The following PPARGC1A variants were observed in gnomAD, a reference collection of about 807,000 sequenced individuals.
The protein encoded by PPARGC1A is peroxisome proliferator-activated receptor gamma coactivator 1-alpha.
In PPARGC1A, 25 loss-of-function variants were observed where a neutral mutation model predicts 88.7. That is an observed-to-expected ratio of 0.28 (90% CI 0.21 to 0.39). The LOEUF is 0.39. PPARGC1A is among the 10% of genes least tolerant of loss of function. The pLI is 1.00. For synonymous variants in PPARGC1A, 363 were observed against 355.6 expected, an observed-to-expected ratio of 1.02 and a Z score of -0.24; for missense variants, 880 against 968.7, an observed-to-expected ratio of 0.91 and a Z score of 1.22.
chr4:23,823,711 G>A (rs57986075), intron 7 of PPARGC1A, among the ~76,000 whole-genome samples: 2,374 of 151,898 alleles, frequency 0.016, 74 homozygotes, highest in African/African-American at 0.055. Flanking sequence ...ACATATGTGT[G>A]AGTCTGCACA....
chr4:23,842,063 A>C (rs1048094144), intron 2 of PPARGC1A, among the ~76,000 whole-genome samples: 2 of 152,160 alleles, frequency 1.3e-5, no homozygotes, highest in Non-Finnish European at 2.9e-5. Flanking sequence ...GGAAGATATT[A>C]TTAGAAAAAT....
At chr4:24,425,698 C>G in the PPARGC1A span, among the ~76,000 whole-genome samples, 1 of 152,178 alleles carries the variant, frequency 6.6e-6, no homozygotes, top group African/African-American at 2.4e-5. Flanking sequence ...ACAGTAAAAG[C>G]TGTCAGAATG....
At chr4:24,248,086 T>C in the PPARGC1A span, among the ~76,000 whole-genome samples, 4 of 152,196 alleles carry the variant, frequency 2.6e-5, no homozygotes. Context: ...GCATATTATC[T>C]GCCAAAACCC....
chr4:24,010,400 C>A, the PPARGC1A span, among the ~76,000 whole-genome samples: 2,061 of 152,174 alleles, frequency 0.014, 46 homozygotes, highest in African/African-American at 0.047. Flanking sequence ...AAAGTGTTTC[C>A]CATTGCTGCC....
At chr4:24,438,738 C>G in the PPARGC1A span, among the ~76,000 whole-genome samples, 3 of 151,998 alleles carry the variant, frequency 2.0e-5, no homozygotes, top group Admixed American at 6.6e-5. Context: ...AAACTCTCTT[C>G]TTGGAAAAGC....
chr4:24,391,140 G>A, the PPARGC1A span, among the ~76,000 whole-genome samples: 5 of 152,006 alleles, frequency 3.3e-5, no homozygotes, highest in Non-Finnish European at 5.9e-5. Flanking sequence ...ATGTTCCTGG[G>A]TGAATATTGT....
chr4:24,445,093 T>C, the PPARGC1A span, among the ~76,000 whole-genome samples: 1 of 151,878 alleles, frequency 6.6e-6, no homozygotes, highest in Non-Finnish European at 1.5e-5. Flanking sequence ...CCACAGCTAC[T>C]TGAGCATCCC....
the PPARGC1A span, among the ~76,000 whole-genome samples, chr4:24,315,142 CAT>C: frequency 6.6e-6 from 1 of 152,042 alleles, no homozygotes; most frequent in Non-Finnish European, 1.5e-5. Context: ...GAATTGATTT[CAT>C]AGAGTCAAGC....
chr4:24,059,891 C>G, the PPARGC1A span, among the ~76,000 whole-genome samples: 1 of 152,310 alleles, frequency 6.6e-6, no homozygotes, highest in South Asian at 2.1e-4. Context: ...AAAGCCACAG[C>G]AATCCCAGTC....
At chr4:24,212,903 T>C in the PPARGC1A span, among the ~76,000 whole-genome samples, 10 of 152,254 alleles carry the variant, frequency 6.6e-5, no homozygotes, top group South Asian at 2.1e-3. Flanking sequence ...AAGAGCGTGG[T>C]CATTTCCAGG....
the PPARGC1A span, among the ~76,000 whole-genome samples, chr4:24,223,590 A>T: frequency 3.3e-5 from 5 of 152,288 alleles, no homozygotes; most frequent in East Asian, 7.7e-4. Flanking sequence ...GTTAGACTAC[A>T]TCTTGTTTTC....
the PPARGC1A span, among the ~76,000 whole-genome samples, chr4:24,233,241 C>T: frequency 6.6e-6 from 1 of 152,158 alleles, no homozygotes; most frequent in South Asian, 2.1e-4. Context: ...AATATTTTAA[C>T]AAATCACCCA....
At chr4:24,448,409 TC>T in the PPARGC1A span, among the ~76,000 whole-genome samples, 2 of 152,206 alleles carry the variant, frequency 1.3e-5, no homozygotes, top group Non-Finnish European at 2.9e-5. Context: ...CTCACTTTCC[TC>T]CTGATTCATT....
chr4:24,308,721 A>G, the PPARGC1A span, among the ~76,000 whole-genome samples: 2 of 152,188 alleles, frequency 1.3e-5, no homozygotes, highest in African/African-American at 4.8e-5. Context: ...GAGGTTGTGC[A>G]TAAGACTTCA....
the PPARGC1A span, among the ~76,000 whole-genome samples, chr4:24,245,459 C>A: frequency 6.6e-6 from 1 of 152,210 alleles, no homozygotes; most frequent in African/African-American, 2.4e-5. Flanking sequence ...AGCTTCGAGG[C>A]CCACCATGCC....
intron 2 of PPARGC1A, among the ~76,000 whole-genome samples, chr4:23,881,472 A>T (rs1020972618): frequency 6.6e-6 from 1 of 152,224 alleles, no homozygotes; most frequent in Non-Finnish European, 1.5e-5. Context: ...ATCATTATTA[A>T]GTTTGTGATG....
the PPARGC1A span, among the ~76,000 whole-genome samples, chr4:24,031,963 C>T: frequency 1.3e-5 from 2 of 152,294 alleles, no homozygotes; most frequent in African/African-American, 4.8e-5. Flanking sequence ...GACCACAATG[C>T]CCATGGTAGC....
chr4:24,003,896 G>A, the PPARGC1A span, among the ~76,000 whole-genome samples: 19 of 151,206 alleles, frequency 1.3e-4, no homozygotes, highest in African/African-American at 1.7e-4. Context: ...TAACACATAC[G>A]AAAGTCCTTT....
chr4:23,880,472 A>G (rs544295167), intron 2 of PPARGC1A, among the ~76,000 whole-genome samples: 7 of 152,326 alleles, frequency 4.6e-5, no homozygotes, highest in Non-Finnish European at 7.3e-5. Context: ...GTCAGTGAAC[A>G]AGACAGGCAG....
Sources: allele counts gnomAD v4.1 joint callset (sites outside exome capture counted in the v4.1 genomes callset), GRCh38; gene constraint gnomAD v4.1.1; transcripts MANE v1.5; gene names NCBI Gene and HGNC (gene_info 2026-07-23, HGNC 2026-07-21).